Variants in MRAP observed in about 807,000 individuals in gnomAD.
The protein encoded by MRAP is melanocortin-2 receptor accessory protein.
In MRAP, 8 loss-of-function variants were observed where a neutral mutation model predicts 8.7. The ratio of observed to expected loss-of-function variants is 0.92; its 90% CI spans 0.54 to 1.66. MRAP has a LOEUF of 1.66. MRAP is among the 40% of genes most tolerant of loss of function. MRAP has a pLI of 0.00. For missense variants in MRAP, 237 were observed against 217.1 expected (o/e 1.09, Z -0.58); for synonymous variants, 95 against 95.5 (o/e 1.00, Z 0.03).
chr21:32,293,004 A>T (rs985685383), exon 2 of MRAP: 7 of 152,198 alleles, frequency 4.6e-5, no homozygotes, highest in African/African-American at 1.2e-4. Context: ...GACTTTGCAG[A>T]TGTGATTAAG....
rs79126334 is a variant in MRAP, at chr21:32,311,711, C to T, written c.234C>T (p.Cys78=). 6.2e-7 allele frequency: 1 copy of T among 1,613,870 alleles called. No individual in the cohort carries two copies. The highest frequency in any genetic ancestry group is 1.3e-5 in the African/African-American group (1 of 74,924). Residue 78 remains cysteine (C), a synonymous_variant, in exon 3 of 3, where the codon TGC becomes TGT. Coordinates refer to ENST00000303645, the MANE Select transcript of MRAP (RefSeq NM_001379228.1). ...ACAGCCCCAAGCACCACCAAACATG[C>T]CCCTGGAGTCACGGCCTCAACCTCC... The part of the protein sequence containing the change: ...MRNSPKHHQT[C]PWSHGLNLHL...
Position 32,292,225 on chromosome 21 carries a change from A to G in MRAP, c.-151+376A>G, listed in dbSNP as rs2032062122. Among the ~76,000 whole-genome samples the G allele has an allele frequency of 2.0e-5, 3 of 152,326 alleles. No homozygotes were observed. In the South Asian group the frequency reaches 6.2e-4, roughly 32 times the overall value. On this transcript the variant is annotated intron_variant, in intron 1 of 4. Transcript: ENST00000399784. ...ATGATATATTTTGAATTTGCTTCAC[A>G]GTAATCCAGGGTTGGAGACGTGGGT...
intron 1 of MRAP, among the ~76,000 whole-genome samples, chr21:32,306,245 G>A (rs552661259): frequency 1.3e-5 from 2 of 152,066 alleles, no homozygotes; most frequent in East Asian, 3.9e-4. Flanking sequence ...TCCCTCCCGG[G>A]GGCCCAGGAG....
intron 1 of MRAP, among the ~76,000 whole-genome samples, chr21:32,292,736 T>C (rs939510260): frequency 7.6e-4 from 116 of 152,082 alleles, no homozygotes; most frequent in Non-Finnish European, 1.2e-3. Flanking sequence ...GTAATTCACC[T>C]GCATTTGCCT....
chr21:32,301,520 C>G (rs1429062996), intron 1 of MRAP, among the ~76,000 whole-genome samples: 1 of 152,192 alleles, frequency 6.6e-6, no homozygotes, highest in African/African-American at 2.4e-5. Context: ...TTCCTGAGGC[C>G]CTGCCTGAAT....
rs149482021 is a variant in MRAP at position 32,299,077 on chromosome 21, C to T, written c.106C>T (p.His36Tyr). Residue 36 changes from histidine (H) to tyrosine (Y), a missense_variant and splice_region_variant, in exon 1 of 3, where the codon CAT becomes TAT. His to Tyr is a moderately conservative substitution (Grantham distance 83, BLOSUM62 2). Coordinates refer to ENST00000303645, the MANE Select transcript of MRAP (RefSeq NM_001379228.1). ...VDEKKLKAHK[H>Y]SIVIAFWVSL... ...CGAGAAGAAGCTGAAAGCCCACAAACGTAAGTCTGAACTAGGGAAGCCGGT... is the reference window on the plus strand; with the variant it reads ...CGAGAAGAAGCTGAAAGCCCACAAATGTAAGTCTGAACTAGGGAAGCCGGT... 30 of 1,613,104 alleles carry T rather than the reference C, an allele frequency of 1.9e-5. No homozygotes were observed. Among genetic ancestry groups the T allele is most frequent in the East Asian group, 2.2e-5 (1 of 44,872 alleles).
At chr21:32,301,027 GAT>G (rs941612271) in intron 1 of MRAP, among the ~76,000 whole-genome samples, 1 of 148,854 alleles carries the variant, frequency 6.7e-6, no homozygotes, top group Non-Finnish European at 1.5e-5. Flanking sequence ...ATATGTATCA[GAT>G]ATATCAAATA....
intron 1 of MRAP, among the ~76,000 whole-genome samples, chr21:32,300,629 A>C (rs921530904): frequency 2.4e-4 from 9 of 38,266 alleles, no homozygotes; most frequent in African/African-American, 6.8e-4. Context: ...CGTATGTCAG[A>C]TGCGTCACAC....
upstream of MRAP, chr21:32,298,732 G>A (rs149139059): frequency 2.2e-4 from 106 of 476,598 alleles, 1 homozygote; most frequent in Non-Finnish European, 3.7e-4. Context: ...GTGCTTTGGA[G>A]TTTTATCAAG....
upstream of MRAP, among the ~76,000 whole-genome samples, chr21:32,298,636 C>G (rs1399833289): frequency 6.6e-6 from 1 of 152,206 alleles, no homozygotes; most frequent in African/African-American, 2.4e-5. Flanking sequence ...CCCTGGGCGA[C>G]TATTTCCCGC....
At chr21:32,312,417 C>A, downstream of MRAP, 2 of 854,500 alleles carry the variant, frequency 2.3e-6, no homozygotes, top group East Asian at 6.8e-5. Context: ...CCAAGCTCCA[C>A]TAACACCCGC....
chr21:32,301,501 C>T (rs1192142863), intron 1 of MRAP, among the ~76,000 whole-genome samples: 1 of 152,230 alleles, frequency 6.6e-6, no homozygotes, highest in Non-Finnish European at 1.5e-5. Context: ...CAGAAGCTGC[C>T]ATGCCTGTTT....
upstream of MRAP, among the ~76,000 whole-genome samples, chr21:32,298,420 T>C (rs1331366624): frequency 1.3e-5 from 2 of 152,148 alleles, no homozygotes; most frequent in African/African-American, 4.8e-5. Flanking sequence ...GACAGAGGTT[T>C]ACAAGTTCAC....
chr21:32,299,046 C>T lies in MRAP; in HGVS notation c.75C>T (p.Pro25=), dbSNP rs1266369614. 2 of 1,613,966 alleles carry T rather than the reference C, an allele frequency of 1.2e-6. No homozygotes were observed. Among genetic ancestry groups the T allele is most frequent in the Non-Finnish European group, 1.7e-6 (2 of 1,179,952 alleles). Residue 25 remains proline (P), a synonymous_variant, in exon 1 of 3, where the codon CCC becomes CCT. Transcript: ENST00000303645. The part of the protein sequence containing the change: ...EYYLDYLDLI[P]VDEKKLKAHK... Reference sequence around the variant, plus strand: ...ACCTGGACTATCTGGACCTCATTCCCGTGGACGAGAAGAAGCTGAAAGCCC... The same window carrying T: ...ACCTGGACTATCTGGACCTCATTCCTGTGGACGAGAAGAAGCTGAAAGCCC...
intron 2 of MRAP, 182 bp from the exon 3 acceptor site, chr21:32,311,502 C>G: frequency 1.4e-6 from 1 of 722,612 alleles, no homozygotes; most frequent in Non-Finnish European, 2.1e-6. Flanking sequence ...TTCCTCTCCT[C>G]TGAGATTTCT....
intron 1 of MRAP, chr21:32,306,435 G>A: frequency 3.2e-6 from 2 of 630,672 alleles, no homozygotes; most frequent in Non-Finnish European, 5.8e-6. Flanking sequence ...CAGCTGCCCT[G>A]AGGAAAAAGA....
chr21:32,306,176 G>T (rs536979879), intron 1 of MRAP, among the ~76,000 whole-genome samples: 1 of 152,100 alleles, frequency 6.6e-6, no homozygotes, highest in Non-Finnish European at 1.5e-5. Context: ...TCCTCCGCAG[G>T]GTATCAACTC....
chr21:32,309,020 C>T (rs542648416), intron 2 of MRAP, among the ~76,000 whole-genome samples: 4 of 152,108 alleles, frequency 2.6e-5, no homozygotes, highest in Non-Finnish European at 5.9e-5. Flanking sequence ...ATTGGCACAG[C>T]GTCTTAGTGT....
chr21:32,300,314 C>A (rs1569025829), intron 1 of MRAP, among the ~76,000 whole-genome samples: 2 of 151,618 alleles, frequency 1.3e-5, no homozygotes, highest in African/African-American at 4.8e-5. Context: ...TCAGATGCGT[C>A]ATGTGTCATG....
Sources: gnomAD v4.1 joint callset for allele counts (sites outside exome capture counted in the v4.1 genomes callset) on GRCh38, gnomAD v4.1.1 for gene constraint, MANE v1.5 for transcripts, NCBI Gene and HGNC (gene_info 2026-07-23, HGNC 2026-07-21) for gene names.